NTRK3: variants seen among roughly 807,000 people sequenced by gnomAD.
NTRK3 encodes neurotrophic receptor tyrosine kinase 3.
In NTRK3, 24 loss-of-function variants were observed where a neutral mutation model predicts 91.7. The observed-to-expected ratio is 0.26, with a 90% CI of 0.19 to 0.37. The LOEUF is 0.37. Ranked by LOEUF, NTRK3 falls within the 10% of genes least tolerant of loss-of-function variation. The pLI, the probability that NTRK3 is intolerant of heterozygous loss-of-function variation, is 1.00. For missense variants in NTRK3, 880 were observed against 1,068.9 expected (o/e 0.82, Z 2.46); for synonymous variants, 483 against 404.0 (o/e 1.20, Z -2.34).
At chr15:88,129,654 A>G (rs2053618369) in intron 10 of NTRK3, among the ~76,000 whole-genome samples, 1 of 152,182 alleles carries the variant, frequency 6.6e-6, no homozygotes, top group Admixed American at 6.5e-5. Context: ...ATGTGCCTGG[A>G]ATGGCTTGTA....
rs1454347072 is a variant in NTRK3 at position 87,868,001 on chromosome 15, G to A, written c.*8934C>T. 6 of 230,074 alleles carry A rather than the reference G, an allele frequency of 2.6e-5. No individual in the cohort carries two copies. In the Admixed American group the frequency reaches 2.8e-4, roughly 11 times the overall value. 14.3% of individuals were successfully genotyped at this position (230,074 alleles called of 1,614,324 possible). ...AGCTCCAAAGTGCAGAAAGTCAAAGGGTATGTGTCGATAATAAGAGGAAAG... is the reference window on the plus strand; with the variant it reads ...AGCTCCAAAGTGCAGAAAGTCAAAGAGTATGTGTCGATAATAAGAGGAAAG... On this transcript the variant is annotated 3_prime_UTR_variant, in exon 19 of 19. Transcript: ENST00000394480.
chr15:88,093,818 G>T (rs146513277), intron 13 of NTRK3, among the ~76,000 whole-genome samples: 317 of 151,558 alleles, frequency 2.1e-3, no homozygotes, highest in Non-Finnish European at 3.7e-3. Context: ...GGCCTCAAGC[G>T]GGGGGGTTGC....
At chr15:87,980,902 C>G (rs527413064) in intron 14 of NTRK3, among the ~76,000 whole-genome samples, 23 of 152,204 alleles carry the variant, frequency 1.5e-4, no homozygotes, top group Non-Finnish European at 2.8e-4. Context: ...TAAAGGTTAT[C>G]TGGGGTATGA....
Position 88,235,812 on chromosome 15 carries a change from C to G in NTRK3, c.248+20094G>C, listed in dbSNP as rs1460165487. On this transcript the variant is annotated intron_variant, in intron 3 of 18. Transcript: ENST00000394480. The surrounding 1 kb of genome is among the most constrained non-coding windows in gnomAD (Gnocchi z 5.2). ...AGAAGCTGTGCACCACAACAGGAACCCCCCTGGGGCTTTGAGTCAAACAGG... is the reference window on the plus strand; with the variant it reads ...AGAAGCTGTGCACCACAACAGGAACGCCCCTGGGGCTTTGAGTCAAACAGG... 2.0e-5 allele frequency among the ~76,000 whole-genome samples: 3 copies of G among 152,142 alleles called. No individual in the cohort carries two copies. In the East Asian group the frequency reaches 5.8e-4, roughly 30 times the overall value.
chr15:87,988,166 G>T (rs187665019), intron 14 of NTRK3, among the ~76,000 whole-genome samples: 1 of 152,332 alleles, frequency 6.6e-6, no homozygotes, highest in Admixed American at 6.5e-5. Context: ...CACTCTTTAA[G>T]TGAAGTGATG....
chr15:88,187,936 A>C (rs2047075727), intron 3 of NTRK3, among the ~76,000 whole-genome samples: 1 of 151,044 alleles, frequency 6.6e-6, no homozygotes, highest in African/African-American at 2.4e-5. Flanking sequence ...ACTGTCTCAA[A>C]AAAAAAAAAA....
At chr15:87,904,391 C>T (rs541918091) in intron 17 of NTRK3, among the ~76,000 whole-genome samples, 1 of 151,980 alleles carries the variant, frequency 6.6e-6, no homozygotes, top group East Asian at 1.9e-4. Flanking sequence ...CTCCTGACCT[C>T]ATGATCCATC....
intron 14 of NTRK3, among the ~76,000 whole-genome samples, chr15:87,998,344 A>G (rs144036681): frequency 9.0e-4 from 137 of 152,350 alleles, no homozygotes; most frequent in African/African-American, 3.2e-3. Context: ...CTAAAAGCCC[A>G]TAGACCATTA....
At chr15:87,901,483 C>A (rs2066449758) in intron 17 of NTRK3, among the ~76,000 whole-genome samples, 1 of 152,102 alleles carries the variant, frequency 6.6e-6, no homozygotes, top group African/African-American at 2.4e-5. Context: ...AGGGTAGAGC[C>A]CTCATCTTAA....
intron 14 of NTRK3, among the ~76,000 whole-genome samples, chr15:87,959,974 C>T (rs1340494712): frequency 1.3e-5 from 2 of 152,184 alleles, no homozygotes; most frequent in African/African-American, 4.8e-5. Context: ...GCTGCCTTTC[C>T]CCAGCTGCAT....
rs2051427467 is a variant in NTRK3 at position 88,233,794 on chromosome 15, C to CG, written c.248+22111_248+22112insC. On this transcript the variant is annotated intron_variant, in intron 3 of 18. Transcript: ENST00000394480. The surrounding 1 kb of genome is among the most constrained non-coding windows in gnomAD (Gnocchi z 4.2). ...CCTCCTCCCCTGACATCCAGTGCTC[C>CG]CCCTCCCTGCCTTGTCCAAGAGAAT... Among the ~76,000 whole-genome samples the CG allele has an allele frequency of 6.6e-6, 1 of 151,890 alleles. No homozygotes were observed. The highest frequency in any genetic ancestry group is 2.4e-5 in the African/African-American group (1 of 41,298).
At chr15:88,078,783 G>T (rs1336508391) in intron 13 of NTRK3, among the ~76,000 whole-genome samples, 1 of 152,232 alleles carries the variant, frequency 6.6e-6, no homozygotes, top group Non-Finnish European at 1.5e-5. Context: ...CGACACTCCA[G>T]GCAGAGGGAG....
intron 14 of NTRK3, among the ~76,000 whole-genome samples, chr15:88,021,234 C>T (rs1043399278): frequency 5.3e-5 from 8 of 152,214 alleles, no homozygotes; most frequent in African/African-American, 1.9e-4. Context: ...AATGCAGCTA[C>T]GTCCTGTCCC....
Position 88,222,756 on chromosome 15 carries a change from C to A in NTRK3, c.248+33150G>T, listed in dbSNP as rs1000614246. Among the ~76,000 whole-genome samples the A allele has an allele frequency of 7.9e-5, 12 of 152,134 alleles. No individual in the cohort carries two copies. In the South Asian group the frequency reaches 2.1e-3, roughly 26 times the overall value. ...TGGCCATAATCTGTGACCAGAGTGCCCACTTCTGAAGTGTGGGGTGCCAGG... is the reference window on the plus strand; with the variant it reads ...TGGCCATAATCTGTGACCAGAGTGCACACTTCTGAAGTGTGGGGTGCCAGG... On this transcript the variant is annotated intron_variant, in intron 3 of 18. Coordinates refer to ENST00000394480, the Ensembl canonical transcript of NTRK3.
chr15:88,121,671 T>C (rs1263868817), intron 13 of NTRK3, among the ~76,000 whole-genome samples: 3 of 152,184 alleles, frequency 2.0e-5, no homozygotes, highest in Non-Finnish European at 4.4e-5. Context: ...CCAACCACCC[T>C]GGCCACCCCA....
At chr15:88,183,527 T>A in intron 4 of NTRK3, 38 bp from the exon 5 acceptor site, 1 of 1,587,330 alleles carries the variant, frequency 6.3e-7, no homozygotes, top group Non-Finnish European at 8.7e-7. Context: ...AGAGCTCAAG[T>A]GGCAGAGGGA....
At chr15:88,206,270 C>T (rs1007913976) in intron 3 of NTRK3, among the ~76,000 whole-genome samples, 2 of 146,932 alleles carry the variant, frequency 1.4e-5, no homozygotes, top group African/African-American at 5.0e-5. Flanking sequence ...GCGCGAACCC[C>T]GGGGGGCGGA....
chr15:88,000,707 G>A (rs967420536), intron 14 of NTRK3, among the ~76,000 whole-genome samples: 10 of 151,970 alleles, frequency 6.6e-5, no homozygotes, highest in South Asian at 2.1e-4. Context: ...CCTTTTTATG[G>A]TTCAATAATA....
intron 13 of NTRK3, among the ~76,000 whole-genome samples, chr15:88,071,167 T>A (rs1179631622): frequency 6.6e-6 from 1 of 152,216 alleles, no homozygotes. Context: ...CCAGGCCCGA[T>A]GAACTGAGGA....
Sources: gnomAD v4.1 joint callset for allele counts (sites outside exome capture counted in the v4.1 genomes callset) on GRCh38, gnomAD v4.1.1 for gene constraint, Gnocchi (gnomAD v3.1) non-coding constraint, MANE v1.5 for transcripts, NCBI Gene and HGNC (gene_info 2026-07-23, HGNC 2026-07-21) for gene names.